Variants in PKD2L1 observed in about 807,000 individuals in gnomAD.
PKD2L1 encodes the protein polycystin-2-like protein 1.
A neutral mutation model predicts 93.0 loss-of-function variants in PKD2L1; 77 were observed. The ratio of observed to expected loss-of-function variants is 0.83; its 90% CI spans 0.69 to 1.00. The LOEUF (loss-of-function observed/expected upper bound fraction) is 1.00, where lower values mean the gene tolerates loss of function less well. PKD2L1 is among the 50% of genes least tolerant of loss of function. PKD2L1 has a pLI of 0.00. For synonymous variants in PKD2L1, 390 were observed against 388.0 expected (o/e 1.01, Z -0.06); for missense variants, 977 against 990.9 (o/e 0.99, Z 0.19).
At chr10:100,288,834 G>C (rs772750668) in intron 15 of PKD2L1, 138 bp downstream of exon 15, 1 of 588,676 alleles carries the variant, frequency 1.7e-6, no homozygotes, top group East Asian at 2.8e-5. Context: ...GGCTCAAAAG[G>C]CCAGATGCAG....
rs1185163586 is a variant in PKD2L1, at chr10:100,321,900, G to GAAGC, written c.349+7307_349+7310dup. Among the ~76,000 whole-genome samples the GAAGC allele has an allele frequency of 2.2e-4, 11 of 49,672 alleles. 1 individual carries two copies. The highest frequency in any genetic ancestry group is 7.1e-4 in the African/African-American group (6 of 8,454). 32.6% of individuals were successfully genotyped at this position (49,672 alleles called of 152,430 possible). On this transcript the variant is annotated intron_variant, in intron 2 of 15. Transcript: ENST00000318222. ...GCAGGGAGGGAGGGAGGGAGGGAAG[G>GAAGC]AAGCAAGGAAGGAAGGAAGGAAGGA...
intron 12 of PKD2L1, 133 bp downstream of exon 12, chr10:100,291,168 G>T: frequency 2.2e-6 from 2 of 914,606 alleles, no homozygotes; most frequent in South Asian, 1.7e-5. Flanking sequence ...AGCAGTTTGG[G>T]AACTACTATT....
At chr10:100,313,309 T>A (rs1248544807) in intron 2 of PKD2L1, among the ~76,000 whole-genome samples, 1 of 151,966 alleles carries the variant, frequency 6.6e-6, no homozygotes, top group Non-Finnish European at 1.5e-5. Context: ...CTGAGAAGAG[T>A]AGCCCTTGTT....
At chr10:100,289,128 G>T in intron 14 of PKD2L1, 72 bp from the exon 15 acceptor site, 1 of 1,100,358 alleles carries the variant, frequency 9.1e-7, no homozygotes, top group Non-Finnish European at 1.4e-6. Flanking sequence ...CTCTCTATCT[G>T]ATTCCAGAGA....
chr10:100,322,057 C>G (rs1272593622), intron 2 of PKD2L1, among the ~76,000 whole-genome samples: 1 of 151,728 alleles, frequency 6.6e-6, no homozygotes, highest in Non-Finnish European at 1.5e-5. Flanking sequence ...GAAGCCCCGT[C>G]TCTATGAAAA....
At chr10:100,317,717 G>T (rs1276850164) in intron 2 of PKD2L1, among the ~76,000 whole-genome samples, 1 of 152,090 alleles carries the variant, frequency 6.6e-6, no homozygotes, top group Non-Finnish European at 1.5e-5. Flanking sequence ...TATGTTTCGG[G>T]GTAAGAGAGA....
intron 1 of PKD2L1, 48 bp downstream of exon 1, chr10:100,329,821 C>A: frequency 1.5e-6 from 2 of 1,302,304 alleles, no homozygotes; most frequent in Non-Finnish European, 2.2e-6. Flanking sequence ...CTTTTGGTGA[C>A]TCCTCCTGAT....
chr10:100,309,122 TAC>T (rs1373596953), intron 2 of PKD2L1, among the ~76,000 whole-genome samples: 1 of 152,154 alleles, frequency 6.6e-6, no homozygotes, highest in African/African-American at 2.4e-5. Context: ...CTAAAAATCT[TAC>T]AGAGACAATT....
chr10:100,296,737 T>TAA (rs149108649), intron 6 of PKD2L1, among the ~76,000 whole-genome samples: 3 of 139,166 alleles, frequency 2.2e-5, no homozygotes, highest in South Asian at 2.3e-4. Context: ...TATAGTACAC[T>TAA]AAAAAAAAAA....
intron 2 of PKD2L1, among the ~76,000 whole-genome samples, chr10:100,308,144 A>C (rs978581728): frequency 1.3e-5 from 2 of 152,084 alleles, no homozygotes; most frequent in African/African-American, 4.8e-5. Context: ...ATTCTTCTGT[A>C]CACACTATAT....
intron 6 of PKD2L1, 121 bp downstream of exon 6, chr10:100,296,859 G>A (rs770548075): frequency 4.3e-4 from 279 of 648,960 alleles, no homozygotes; most frequent in Non-Finnish European, 1.0e-4. Flanking sequence ...GTTAAATGAT[G>A]ATTTGACCAA....
Position 100,291,427 on chromosome 10 carries a change from T to G in PKD2L1, c.1881A>C (p.Glu627Asp). ...TGATTTCATGCTCTGCGTGTCCCAG[T>G]CTGAGAAGAGGATGATGAAATGATT... ...QFEDFTNTLR[E>D]LGHAEHEITE... The change falls in exon 12 of 16, where the codon GAA becomes GAC. Residue 627 changes from glutamate (E) to aspartate (D), a missense_variant and splice_region_variant. Glu to Asp is a conservative substitution (Grantham distance 45, BLOSUM62 2). Transcript: ENST00000318222. The G allele has an allele frequency of 6.2e-7, 1 of 1,613,960 alleles. No homozygotes were observed. The highest frequency in any genetic ancestry group is 8.5e-7 in the Non-Finnish European group (1 of 1,179,912).
In PKD2L1 at chr10:100,290,515, G is replaced by A; in HGVS notation, c.2012C>T (p.Ala671Val). 6.2e-7 allele frequency: 1 copy of A among 1,606,684 alleles called. No individual in the cohort carries two copies. Residue 671 changes from alanine to valine, a missense_variant, in exon 13 of 16, where the codon GCC becomes GTC. Ala to Val is a moderately conservative substitution (Grantham distance 64). Transcript: ENST00000318222. Reference protein sequence around the residue: ...MRQDLEEERVALNTEIEKLGR... With the variant: ...MRQDLEEERVVLNTEIEKLGR... ...TAGTTTCTCAATCTCAGTGTTGAGG[G>A]CCACCTGCTCAGGAAGTCAGAGGTT...
chr10:100,313,589 T>C (rs186123016), intron 2 of PKD2L1, among the ~76,000 whole-genome samples: 59 of 152,348 alleles, frequency 3.9e-4, no homozygotes, highest in Non-Finnish European at 3.1e-4. Flanking sequence ...TACAGGATAA[T>C]CAACACCATG....
At chr10:100,299,073 C>T (rs1269588859) in intron 3 of PKD2L1, among the ~76,000 whole-genome samples, 1 of 152,186 alleles carries the variant, frequency 6.6e-6, no homozygotes, top group East Asian at 1.9e-4. Flanking sequence ...TCTCCTGCCT[C>T]AGCCTCCCGA....
At chr10:100,324,826 C>T (rs1412547761) in intron 2 of PKD2L1, among the ~76,000 whole-genome samples, 1 of 152,160 alleles carries the variant, frequency 6.6e-6, no homozygotes, top group Non-Finnish European at 1.5e-5. Flanking sequence ...TAATAATAAA[C>T]ACAGGTCCTG....
At chr10:100,320,438 G>A (rs1849201327) in intron 2 of PKD2L1, among the ~76,000 whole-genome samples, 1 of 152,142 alleles carries the variant, frequency 6.6e-6, no homozygotes, top group South Asian at 2.1e-4. Flanking sequence ...GTCTACTAGG[G>A]CTTGTCCCCT....
At chr10:100,297,659 A>T in intron 4 of PKD2L1, 53 bp from the exon 5 acceptor site, 1 of 1,292,068 alleles carries the variant, frequency 7.7e-7, no homozygotes, top group Non-Finnish European at 1.1e-6. Context: ...TCCCAAGGCA[A>T]TGGCAATGCT....
In PKD2L1 at chr10:100,295,049, G is replaced by T; in HGVS notation, c.1431C>A (p.Ile477=). 6.2e-7 allele frequency: 1 copy of T among 1,614,198 alleles called. No homozygotes were observed. Among genetic ancestry groups the T allele is most frequent in the Non-Finnish European group, 8.5e-7 (1 of 1,180,006 alleles). ...TGAAGAACATGACGGCGAAGCCCAG[G>T]ATGTCCTTGGCACAGCGGGCCAGCG... ...SSTLARCAKD[I]LGFAVMFFIV... is the part of the protein sequence containing the mutation. Residue 477 remains isoleucine, a synonymous_variant, in exon 8 of 16, where the codon ATC becomes ATA. Transcript: ENST00000318222.
Sources: gnomAD v4.1 joint callset for allele counts (sites outside exome capture counted in the v4.1 genomes callset) on GRCh38, gnomAD v4.1.1 for gene constraint, MANE v1.5 for transcripts, NCBI Gene and HGNC (gene_info 2026-07-23, HGNC 2026-07-21) for gene names.